NKAIN3: variants seen among roughly 807,000 people sequenced by gnomAD.
NKAIN3 encodes sodium/potassium-transporting ATPase subunit beta-1-interacting protein 3.
A neutral mutation model predicts 30.2 loss-of-function variants in NKAIN3; 25 were observed. The observed-to-expected ratio is 0.83, with a 90% confidence interval of 0.60 to 1.16. NKAIN3 has a LOEUF of 1.16. NKAIN3 is among the 50% of genes most tolerant of loss of function. NKAIN3 has a pLI of 0.00. For missense variants in NKAIN3, 225 were observed against 254.1 expected (o/e 0.89, Z 0.78); for synonymous variants, 91 against 89.6 (o/e 1.02, Z -0.09).
Position 62,864,196 on chromosome 8 carries a change from C to T in NKAIN3, c.472-54257C>T, listed in dbSNP as rs550844982. On this transcript the variant is annotated intron_variant, in intron 4 of 6. Coordinates refer to ENST00000623646, the MANE Select transcript of NKAIN3 (RefSeq NM_001304533.3). ...TCAACCGACCGGGAGGAGGCTCTGG[C>T]GGATGGCGAATACTGCGCAGAAGTG... 79 of 657,402 alleles carry T rather than the reference C, an allele frequency of 1.2e-4. 1 individual carries two copies. The African/African-American group carries it at 1.4e-3, about 12-fold the overall frequency. The allele number at this position is 657,402 out of a possible 1,614,324, so 40.7% of individuals were successfully genotyped here.
At chr8:62,838,726 C>T (rs142380777) in intron 4 of NKAIN3, among the ~76,000 whole-genome samples, 8 of 152,166 alleles carry the variant, frequency 5.3e-5, no homozygotes, top group Admixed American at 1.3e-4. Context: ...TTAACTTCCA[C>T]AAAATAATCG....
intron 1 of NKAIN3, among the ~76,000 whole-genome samples, chr8:62,509,322 C>T (rs1585888334): frequency 6.6e-6 from 1 of 152,188 alleles, no homozygotes. Context: ...CTTATATTAA[C>T]TTTGACCACC....
At chr8:62,571,789 C>G (rs573436144) in intron 1 of NKAIN3, among the ~76,000 whole-genome samples, 1 of 152,278 alleles carries the variant, frequency 6.6e-6, no homozygotes, top group African/African-American at 2.4e-5. Context: ...AAGCCTTGTC[C>G]TGAGCTCTAT....
chr8:62,377,428 G>C (rs887331770), intron 1 of NKAIN3, among the ~76,000 whole-genome samples: 5 of 152,202 alleles, frequency 3.3e-5, no homozygotes, highest in Admixed American at 3.3e-4. Flanking sequence ...GAGTGTAAGA[G>C]CAAAGGTGAA....
chr8:62,435,843 A>C (rs1265864263), intron 1 of NKAIN3, among the ~76,000 whole-genome samples: 1 of 152,184 alleles, frequency 6.6e-6, no homozygotes, highest in African/African-American at 2.4e-5. Flanking sequence ...CCTCATGTCT[A>C]CTTCAGTATA....
rs142248464 is a variant in NKAIN3, at chr8:62,868,562, G to A, written c.472-49891G>A. ...AAATAATGATGATACCCGTGGTGCT[G>A]TAACTTTGATTCAGCCAGTGTACTG... is the stretch of plus-strand genomic sequence containing the variant. On this transcript the variant is annotated intron_variant, in intron 4 of 6. Transcript: ENST00000623646. Among the ~76,000 whole-genome samples the A allele has an allele frequency of 7.5e-3, 1,136 of 152,306 alleles. 9 individuals are homozygous for A. Among genetic ancestry groups the A allele is most frequent in the African/African-American group, 0.026 (1,075 of 41,556 alleles).
chr8:62,273,322 T>G (rs1232508753), intron 1 of NKAIN3, among the ~76,000 whole-genome samples: 1 of 152,208 alleles, frequency 6.6e-6, no homozygotes, highest in Non-Finnish European at 1.5e-5. Flanking sequence ...ATGCTGCTTT[T>G]CAACTTTGTA....
At chr8:62,325,435 A>G (rs1024621076) in intron 1 of NKAIN3, among the ~76,000 whole-genome samples, 8 of 152,114 alleles carry the variant, frequency 5.3e-5, no homozygotes, top group Admixed American at 2.6e-4. Flanking sequence ...TTGTGCTGCT[A>G]TAAACATGCA....
chr8:62,697,462 A>T (rs1563520888), intron 3 of NKAIN3, among the ~76,000 whole-genome samples: 1 of 152,070 alleles, frequency 6.6e-6, no homozygotes, highest in African/African-American at 2.4e-5. Context: ...CAATGAGACT[A>T]TCCTCATTAC....
chr8:62,304,779 A>G (rs2129588227), intron 1 of NKAIN3, among the ~76,000 whole-genome samples: 1 of 150,508 alleles, frequency 6.6e-6, no homozygotes, highest in African/African-American at 2.5e-5. Context: ...CCAGAGTGAC[A>G]GCATCCTGCT....
intron 4 of NKAIN3, among the ~76,000 whole-genome samples, chr8:62,912,386 T>A (rs1586339292): frequency 6.6e-6 from 1 of 152,200 alleles, no homozygotes; most frequent in Non-Finnish European, 1.5e-5. Context: ...TAGGCTATAC[T>A]ACATTTAATT....
At chr8:62,312,966 T>C (rs1020976311) in intron 1 of NKAIN3, among the ~76,000 whole-genome samples, 6 of 152,096 alleles carry the variant, frequency 3.9e-5, no homozygotes, top group African/African-American at 1.4e-4. Flanking sequence ...AATTGTAATA[T>C]ATGTTTCCAC....
intron 5 of NKAIN3, among the ~76,000 whole-genome samples, chr8:62,924,191 C>G (rs561395011): frequency 1.3e-5 from 2 of 152,122 alleles, no homozygotes; most frequent in African/African-American, 4.8e-5. Flanking sequence ...TTGAGAGAGG[C>G]CTCCTCCCTC....
At chr8:62,534,273 T>C (rs1396546103) in intron 1 of NKAIN3, among the ~76,000 whole-genome samples, 1 of 152,110 alleles carries the variant, frequency 6.6e-6, no homozygotes, top group Non-Finnish European at 1.5e-5. Context: ...TTTCTTCCTT[T>C]GAAGGTTAAT....
chr8:62,606,449 T>C (rs904709658), intron 3 of NKAIN3, among the ~76,000 whole-genome samples: 1 of 152,090 alleles, frequency 6.6e-6, no homozygotes, highest in African/African-American at 2.4e-5. Flanking sequence ...TCAATACTGA[T>C]TCAAAAAGTA....
chr8:62,699,784 A>G (rs1035435890), intron 3 of NKAIN3, among the ~76,000 whole-genome samples: 7 of 152,192 alleles, frequency 4.6e-5, no homozygotes, highest in African/African-American at 1.7e-4. Flanking sequence ...TGTTATTCAA[A>G]CTTATCTACT....
At chr8:62,752,791 A>C (rs1239670170) in intron 4 of NKAIN3, among the ~76,000 whole-genome samples, 2 of 152,226 alleles carry the variant, frequency 1.3e-5, no homozygotes, top group African/African-American at 4.8e-5. Flanking sequence ...TAGATTTACA[A>C]AACCCAAAGT....
At chr8:62,430,813 A>T (rs1804970889) in intron 1 of NKAIN3, among the ~76,000 whole-genome samples, 1 of 151,920 alleles carries the variant, frequency 6.6e-6, no homozygotes, top group South Asian at 2.1e-4. Flanking sequence ...AGTATGTATG[A>T]AGATGGTGGT....
chr8:62,920,336 G>T (rs997734483), intron 5 of NKAIN3, among the ~76,000 whole-genome samples: 1 of 152,160 alleles, frequency 6.6e-6, no homozygotes, highest in African/African-American at 2.4e-5. Context: ...ACTCTCAAAA[G>T]ACACCAGTGC....
Sources: gnomAD v4.1 joint callset for allele counts (sites outside exome capture counted in the v4.1 genomes callset) on GRCh38, gnomAD v4.1.1 for gene constraint, MANE v1.5 for transcripts, NCBI Gene and HGNC (gene_info 2026-07-23, HGNC 2026-07-21) for gene names.